The following CCAR1 variants were observed in gnomAD, a reference collection of about 807,000 sequenced individuals.
CCAR1 encodes cell division cycle and apoptosis regulator protein 1.
In CCAR1, 78 loss-of-function variants were observed where a neutral mutation model predicts 163.8. The ratio of observed to expected loss-of-function variants is 0.48; its 90% confidence interval spans 0.40 to 0.57. CCAR1 has a LOEUF of 0.57. Ranked by LOEUF, CCAR1 falls within the 20% of genes least tolerant of loss-of-function variation. The pLI is 0.00. For missense variants in CCAR1, 1,019 were observed against 1,365.2 expected, an observed-to-expected ratio of 0.75 and a Z score of 4.00; for synonymous variants, 443 against 460.7, an observed-to-expected ratio of 0.96 and a Z score of 0.49.
rs1301920219 is a variant in CCAR1, at chr10:68,754,765, G to A, written c.1396G>A (p.Ala466Thr). The change falls in exon 12 of 25, where the codon GCT (alanine) becomes ACT (threonine). Residue 466 changes from alanine (A) to threonine (T), a missense_variant. Coordinates refer to ENST00000265872, the MANE Select transcript of CCAR1 (RefSeq NM_018237.4). ...GGAAGATTTATATCATAAGTCATGT[G>A]CTCTTGCTGAGGACCCACAAGAACT... ...SMEDLYHKSCALAEDPQELRD... is the reference protein window; with the variant it reads ...SMEDLYHKSCTLAEDPQELRD... 6.2e-7 allele frequency: 1 copy of A among 1,612,626 alleles called. No individual in the cohort carries two copies. The highest frequency in any genetic ancestry group is 8.5e-7 in the Non-Finnish European group (1 of 1,178,750).
Position 68,747,470 on chromosome 10 carries a change from C to A in CCAR1, c.730C>A (p.Pro244Thr). ...ATTTGGTGTTCAGACTCAGCCCCAG[C>A]CCCAGTCACTGCTGCAGGCACAGAT... Reference protein sequence around the residue: ...TTFGVQTQPQPQSLLQAQISA... With the variant: ...TTFGVQTQPQTQSLLQAQISA... The change falls in exon 8 of 25, where the codon CCC (proline) becomes ACC (threonine). Residue 244 changes from proline (P) to threonine (T), a missense_variant. By Grantham distance (38) the Pro-to-Thr change is conservative. Transcript: ENST00000265872. 6.2e-7 allele frequency: 1 copy of A among 1,613,976 alleles called. No individual in the cohort carries two copies. The highest frequency in any genetic ancestry group is 8.5e-7 in the Non-Finnish European group (1 of 1,179,872).
intron 16 of CCAR1, among the ~76,000 whole-genome samples, chr10:68,762,630 AT>A (rs2056487685): frequency 6.6e-6 from 1 of 152,228 alleles, no homozygotes; most frequent in Non-Finnish European, 1.5e-5. Context: ...CAGTTTCTAA[AT>A]CTTATACATT....
intron 19 of CCAR1, among the ~76,000 whole-genome samples, chr10:68,782,204 A>G (rs1463655728): frequency 1.3e-5 from 2 of 152,224 alleles, no homozygotes; most frequent in African/African-American, 4.8e-5. Context: ...TATAAAGGCT[A>G]AGAAAGATGA....
chr10:68,755,657 A>C, intron 13 of CCAR1, 121 bp downstream of exon 13: 5 of 717,728 alleles, frequency 7.0e-6, no homozygotes, highest in Non-Finnish European at 8.6e-6. Context: ...AGGTAATCTC[A>C]AAGGAAAATC....
At chr10:68,744,831 CT>C (rs1489600872) in intron 6 of CCAR1, among the ~76,000 whole-genome samples, 4 of 150,330 alleles carry the variant, frequency 2.7e-5, no homozygotes, top group African/African-American at 9.7e-5. Context: ...ATCTACTTAA[CT>C]CTTTTTTTTT....
At position 68,766,859 on chromosome 10, in the gene CCAR1, T is replaced by G. The variant is rs113113664; in HGVS notation, c.2298+780T>G. On this transcript the variant is annotated intron_variant, in intron 17 of 24. Transcript: ENST00000265872. The stretch of plus-strand genomic sequence containing the variant: ...TTTTCATTGCTTGTTTTTTTGAGTT[T>G]CTGTTGTTTTTTTGTTGTAGTCTAC... Among the ~76,000 whole-genome samples the G allele has an allele frequency of 2.8e-3, 424 of 152,260 alleles. 5 individuals are homozygous for G. Among genetic ancestry groups the G allele is most frequent in the African/African-American group, 9.4e-3 (391 of 41,564 alleles).
intron 19 of CCAR1, among the ~76,000 whole-genome samples, chr10:68,778,532 T>TA (rs5785870): frequency 0.88 from 131,343 of 150,098 alleles, 57,438 homozygotes; most frequent in African/African-American, 0.9. Flanking sequence ...TATCCTCTCC[T>TA]TTTTTTTTTT....
At chr10:68,758,047 T>G (rs774194260) in intron 15 of CCAR1, among the ~76,000 whole-genome samples, 3 of 152,068 alleles carry the variant, frequency 2.0e-5, no homozygotes, top group Non-Finnish European at 4.4e-5. Flanking sequence ...GGCCGTAATT[T>G]GGTTTTTAAA....
At chr10:68,723,425 G>A (rs546289392) in intron 2 of CCAR1, among the ~76,000 whole-genome samples, 1 of 151,134 alleles carries the variant, frequency 6.6e-6, no homozygotes, top group African/African-American at 2.4e-5. Context: ...CACCGCACCC[G>A]GCAGTTTTGT....
At position 68,786,541 on chromosome 10, in the gene CCAR1, C is replaced by T. The variant is rs1446243584; in HGVS notation, c.2734-5C>T. On this transcript the variant is annotated splice_polypyrimidine_tract_variant and splice_region_variant and intron_variant, in intron 20 of 24. Coordinates refer to ENST00000265872, the MANE Select transcript of CCAR1 (RefSeq NM_018237.4). ...ACTATGTTTTCTACTTCTCCATTTT[C>T]TTAGGAAAAAGAAAAGACTCAAATG... 6.4e-7 allele frequency: 1 copy of T among 1,552,144 alleles called. No individual in the cohort carries two copies. The highest frequency in any genetic ancestry group is 8.7e-7 in the Non-Finnish European group (1 of 1,154,190).
intron 2 of CCAR1, among the ~76,000 whole-genome samples, chr10:68,723,968 G>C (rs1196368857): frequency 6.6e-6 from 1 of 151,114 alleles, no homozygotes; most frequent in African/African-American, 2.4e-5. Flanking sequence ...AGACCAGCCT[G>C]ACCAACATGG....
chr10:68,740,611 T>C lies in CCAR1; in HGVS notation c.292-18T>C, dbSNP rs1220140524. ...CTGATTGACCCTTTTCTGTGTGTGTTTATTTTTCTGTTTTCAGTTACAGCA... is the reference window on the plus strand; with the variant it reads ...CTGATTGACCCTTTTCTGTGTGTGTCTATTTTTCTGTTTTCAGTTACAGCA... On this transcript the variant is annotated intron_variant, in intron 4 of 24. Transcript: ENST00000265872. 4.4e-6 allele frequency: 7 copies of C among 1,606,432 alleles called. No homozygotes were observed. The highest frequency in any genetic ancestry group is 2.2e-5 in the South Asian group (2 of 90,570).
intron 16 of CCAR1, among the ~76,000 whole-genome samples, chr10:68,763,026 G>A (rs1235704867): frequency 6.6e-6 from 1 of 152,154 alleles, no homozygotes; most frequent in Non-Finnish European, 1.5e-5. Context: ...TATTAAAGCA[G>A]TGTTAAATTT....
rs577473970 is a variant in CCAR1 at position 68,729,791 on chromosome 10, G to T, written c.74-7085G>T. Among the ~76,000 whole-genome samples, 5 of 152,108 alleles carry T rather than the reference G, an allele frequency of 3.3e-5. No individual in the cohort carries two copies. In the South Asian group the frequency reaches 6.2e-4, roughly 19 times the overall value. On this transcript the variant is annotated intron_variant, in intron 2 of 24. Transcript: ENST00000265872. ...TTTAAAAATTTCTTTTTTATAGTGG[G>T]GTCTTGCTATGTTGCCTAGGCTGGA... is the stretch of plus-strand genomic sequence containing the variant.
intron 19 of CCAR1, among the ~76,000 whole-genome samples, chr10:68,784,277 G>C (rs1418336559): frequency 6.6e-6 from 1 of 151,830 alleles, no homozygotes; most frequent in South Asian, 2.1e-4. Flanking sequence ...GTGCAGTGCC[G>C]TGATCTCGGC....
chr10:68,762,988 T>C (rs1279384030), intron 16 of CCAR1, among the ~76,000 whole-genome samples: 2 of 152,180 alleles, frequency 1.3e-5, no homozygotes, highest in Admixed American at 1.3e-4. Context: ...AGAAATTTTA[T>C]TATGGATATG....
intron 10 of CCAR1, among the ~76,000 whole-genome samples, chr10:68,753,337 A>G (rs1329058187): frequency 1.3e-5 from 2 of 152,214 alleles, no homozygotes; most frequent in Non-Finnish European, 2.9e-5. Flanking sequence ...CAAGGAACAT[A>G]TGAATTTTGC....
At chr10:68,761,696 A>T (rs939859233) in intron 16 of CCAR1, among the ~76,000 whole-genome samples, 2 of 151,746 alleles carry the variant, frequency 1.3e-5, no homozygotes, top group African/African-American at 2.4e-5. Context: ...TCCACCTCCC[A>T]GGTTCAAGCA....
intron 2 of CCAR1, among the ~76,000 whole-genome samples, chr10:68,735,512 C>G (rs2056097464): frequency 6.6e-6 from 1 of 151,752 alleles, no homozygotes; most frequent in Admixed American, 6.6e-5. Flanking sequence ...TAGAATGATC[C>G]TCCTATCTCA....
Sources: allele counts gnomAD v4.1 joint callset (sites outside exome capture counted in the v4.1 genomes callset), GRCh38; gene constraint gnomAD v4.1.1; transcripts MANE v1.5; gene names NCBI Gene and HGNC (gene_info 2026-07-23, HGNC 2026-07-21).